The following SHISA9 variants were observed in gnomAD, a reference collection of about 807,000 sequenced individuals.
SHISA9 encodes protein shisa-9.
SHISA9 carries 13 observed loss-of-function variants against 38.0 expected under a neutral mutation model. The observed-to-expected ratio is 0.34, with a 90% confidence interval of 0.22 to 0.54. The LOEUF is 0.54. Among genes scored for constraint, SHISA9 ranks in the 20% least tolerant of loss-of-function variants. SHISA9 has a pLI of 0.91. For synonymous variants in SHISA9, 275 were observed against 242.0 expected (o/e 1.14, Z -1.27); for missense variants, 538 against 575.8 (o/e 0.93, Z 0.67).
At chr16:13,203,876 C>T (rs2051032711) in intron 3 of SHISA9, among the ~76,000 whole-genome samples, 1 of 151,692 alleles carries the variant, frequency 6.6e-6, no homozygotes, top group Non-Finnish European at 1.5e-5. Context: ...TCCATCCATC[C>T]ATCATCCATC....
At chr16:13,397,155 T>C in the SHISA9 span, among the ~76,000 whole-genome samples, 9 of 152,232 alleles carry the variant, frequency 5.9e-5, no homozygotes, top group Non-Finnish European at 1.2e-4. Flanking sequence ...ATATAATGCA[T>C]ATAACATAAA....
At chr16:13,006,909 G>C (rs1199715324) in intron 2 of SHISA9, among the ~76,000 whole-genome samples, 1 of 152,028 alleles carries the variant, frequency 6.6e-6, no homozygotes, top group African/African-American at 2.4e-5. Flanking sequence ...TTCAGCTCAG[G>C]CTACTTCTCT....
At chr16:13,381,194 G>C in the SHISA9 span, among the ~76,000 whole-genome samples, 20,370 of 152,056 alleles carry the variant, frequency 0.13, 1,636 homozygotes, top group East Asian at 0.39. Flanking sequence ...GAAGCCCCTA[G>C]ATGACAGCTG....
chr16:13,109,491 A>G, intron 2 of SHISA9, among the ~76,000 whole-genome samples: 1 of 152,210 alleles, frequency 6.6e-6, no homozygotes, highest in African/African-American at 2.4e-5. Context: ...GTTGTTCATA[A>G]AAGCTGAATG....
At chr16:13,175,272 C>T (rs2050722143) in intron 2 of SHISA9, among the ~76,000 whole-genome samples, 1 of 151,998 alleles carries the variant, frequency 6.6e-6, no homozygotes, top group Non-Finnish European at 1.5e-5. Context: ...GCCTGTGGTC[C>T]CAGCTACTCT....
chr16:13,461,909 G>A, the SHISA9 span, among the ~76,000 whole-genome samples: 431 of 152,066 alleles, frequency 2.8e-3, 3 homozygotes, highest in Non-Finnish European at 2.4e-3. Flanking sequence ...CACCGTGCCC[G>A]GCCTAGACTT....
At chr16:13,182,703 C>T in intron 2 of SHISA9, among the ~76,000 whole-genome samples, 1 of 152,172 alleles carries the variant, frequency 6.6e-6, no homozygotes, top group Non-Finnish European at 1.5e-5. Context: ...TGGACACAGA[C>T]CTCCACCACT....
At chr16:13,384,738 T>C in the SHISA9 span, among the ~76,000 whole-genome samples, 2 of 152,238 alleles carry the variant, frequency 1.3e-5, no homozygotes, top group African/African-American at 2.4e-5. Context: ...CATGATCTGC[T>C]AGACACAAAC....
chr16:12,962,742 T>A (rs552901058), intron 2 of SHISA9, among the ~76,000 whole-genome samples: 1 of 152,336 alleles, frequency 6.6e-6, no homozygotes, highest in South Asian at 2.1e-4. Context: ...TATGGTATTG[T>A]GTTATGGTGG....
intron 2 of SHISA9, among the ~76,000 whole-genome samples, chr16:13,085,928 A>G (rs139414871): frequency 1.2e-3 from 181 of 152,348 alleles, no homozygotes; most frequent in African/African-American, 4.3e-3. Flanking sequence ...AAACAATAAA[A>G]TAAGTTTGTT....
the SHISA9 span, among the ~76,000 whole-genome samples, chr16:13,254,592 G>A: frequency 2.6e-5 from 4 of 152,164 alleles, no homozygotes; most frequent in Non-Finnish European, 5.9e-5. Flanking sequence ...TCCATCCATC[G>A]TACAGCGGGC....
At chr16:13,125,580 A>T (rs1365901762) in intron 2 of SHISA9, among the ~76,000 whole-genome samples, 1 of 152,246 alleles carries the variant, frequency 6.6e-6, no homozygotes, top group Non-Finnish European at 1.5e-5. Context: ...ATGAGACACT[A>T]TATTAGTCTA....
At chr16:13,520,294 T>C in the SHISA9 span, among the ~76,000 whole-genome samples, 5 of 152,172 alleles carry the variant, frequency 3.3e-5, no homozygotes, top group East Asian at 1.9e-4. Flanking sequence ...TTGATGGTGA[T>C]TGGGCACGTA....
At chr16:12,980,885 C>T (rs891740627) in intron 2 of SHISA9, among the ~76,000 whole-genome samples, 17 of 151,742 alleles carry the variant, frequency 1.1e-4, no homozygotes, top group Admixed American at 2.0e-4. Flanking sequence ...TTTTTCATGC[C>T]TGATATTTTA....
chr16:13,006,145 A>G (rs1425658741), intron 2 of SHISA9, among the ~76,000 whole-genome samples: 1 of 152,230 alleles, frequency 6.6e-6, no homozygotes, highest in African/African-American at 2.4e-5. Context: ...TGCAAAGAAG[A>G]GACTCACATG....
chr16:13,207,909 A>ACT (rs1567248892), intron 3 of SHISA9, among the ~76,000 whole-genome samples: 38 of 152,350 alleles, frequency 2.5e-4, no homozygotes, highest in African/African-American at 8.7e-4. Context: ...ACCTCCGATA[A>ACT]GCAGATTCAT....
intron 2 of SHISA9, among the ~76,000 whole-genome samples, chr16:12,934,648 G>T (rs1290505193): frequency 1.3e-5 from 2 of 152,132 alleles, no homozygotes; most frequent in African/African-American, 4.8e-5. Context: ...TTTCAGGCAG[G>T]CTTCATTCAC....
chr16:13,055,233 G>C (rs1339275008), intron 2 of SHISA9, among the ~76,000 whole-genome samples: 1 of 152,180 alleles, frequency 6.6e-6, no homozygotes, highest in Non-Finnish European at 1.5e-5. Context: ...GAGTCACAGA[G>C]AAAGTAAGTG....
At chr16:13,216,646 G>T (rs1014175358) in intron 4 of SHISA9, among the ~76,000 whole-genome samples, 1 of 152,158 alleles carries the variant, frequency 6.6e-6, no homozygotes, top group Non-Finnish European at 1.5e-5. Context: ...AACATAGGGC[G>T]TGGGCAGAGA....
Sources: allele counts gnomAD v4.1 joint callset (sites outside exome capture counted in the v4.1 genomes callset), GRCh38; gene constraint gnomAD v4.1.1; transcripts MANE v1.5; gene names NCBI Gene and HGNC (gene_info 2026-07-23, HGNC 2026-07-21).